Variants in KANK1 observed in about 807,000 individuals in gnomAD.
KANK1 encodes the protein KN motif and ankyrin repeat domain-containing protein 1.
KANK1 carries 109 observed loss-of-function variants against 106.2 expected under a neutral mutation model. The observed-to-expected ratio is 1.03, with a 90% CI of 0.88 to 1.20. The LOEUF (loss-of-function observed/expected upper bound fraction) is 1.20, where lower values mean the gene tolerates loss of function less well. Ranked by LOEUF, KANK1 falls within the 50% of genes most tolerant of loss-of-function variation. The pLI is 0.00. For synonymous variants in KANK1, 873 were observed against 652.2 expected (o/e 1.34, Z -5.16); for missense variants, 2,399 against 1,710.7 (o/e 1.40, Z -7.10).
intron 2 of KANK1, among the ~76,000 whole-genome samples, chr9:682,814 T>C (rs1817835376): frequency 6.6e-6 from 1 of 152,200 alleles, no homozygotes; most frequent in Non-Finnish European, 1.5e-5. Context: ...TATGCTGATC[T>C]TAAATGAGTA....
At chr9:735,905 G>A in intron 7 of KANK1, 1 of 240,024 alleles carries the variant, frequency 4.2e-6, no homozygotes, top group South Asian at 4.5e-5. Context: ...TGAGGCTGGA[G>A]AATTGCTTGC....
In KANK1 at chr9:711,191, C is replaced by T. The variant is rs139131022; in HGVS notation, c.425C>T (p.Pro142Leu). ...LTIPENRQLP[P>L]PSPQLPKHNL... ...ATCCCAGAAAATCGACAGCTGCCAC[C>T]TCCCTCACCACAACTCCCAAAGCAT... Residue 142 changes from proline to leucine, a missense_variant, in exon 3 of 12, where the codon CCT becomes CTT. Coordinates refer to ENST00000382297, the MANE Select transcript of KANK1 (RefSeq NM_015158.5). The T allele has an allele frequency of 7.4e-6, 12 of 1,614,220 alleles. No individual in the cohort carries two copies. Among genetic ancestry groups the T allele is most frequent in the Non-Finnish European group, 1.0e-5 (12 of 1,180,046 alleles).
At chr9:729,811 C>G (rs1001047665) in intron 3 of KANK1, among the ~76,000 whole-genome samples, 1 of 152,084 alleles carries the variant, frequency 6.6e-6, no homozygotes, top group African/African-American at 2.4e-5. Flanking sequence ...GAAACCAAGG[C>G]TATGACGGTA....
At chr9:661,087 G>GT (rs34404745) in intron 1 of KANK1, among the ~76,000 whole-genome samples, 126,575 of 151,056 alleles carry the variant, frequency 0.84, 53,518 homozygotes, top group East Asian at 0.97. Flanking sequence ...AGGTTTGTTT[G>GT]TTTTTTTCCC....
intron 1 of KANK1, among the ~76,000 whole-genome samples, chr9:624,856 T>C (rs1327676303): frequency 1.3e-5 from 2 of 152,044 alleles, no homozygotes; most frequent in African/African-American, 2.4e-5. Context: ...ATAGCTGCCT[T>C]ACCAAGCCAC....
chr9:729,988 T>C, intron 3 of KANK1, 63 bp from the exon 4 acceptor site: 1 of 1,415,036 alleles, frequency 7.1e-7, no homozygotes, highest in Non-Finnish European at 9.7e-7. Context: ...AGAATTGTTT[T>C]TGTTGAAGCC....
chr9:515,988 T>A (rs1226051092), intron 1 of KANK1, among the ~76,000 whole-genome samples: 1 of 151,836 alleles, frequency 6.6e-6, no homozygotes, highest in Non-Finnish European at 1.5e-5. Context: ...TGTTTCTTTT[T>A]AAGACCTGTA....
chr9:490,788 A>T (rs2058364818), intron 3 of KANK1, among the ~76,000 whole-genome samples: 1 of 152,202 alleles, frequency 6.6e-6, no homozygotes, highest in Non-Finnish European at 1.5e-5. Context: ...GGTAAGTGCC[A>T]GGGACTATGA....
At chr9:732,906 C>A in intron 6 of KANK1, 2 of 244,184 alleles carry the variant, frequency 8.2e-6, no homozygotes, top group Middle Eastern at 1.4e-3. Flanking sequence ...TGTTTGAACA[C>A]CTTACCTTAT....
intron 1 of KANK1, among the ~76,000 whole-genome samples, chr9:571,196 T>C (rs7030028): frequency 0.093 from 14,125 of 152,204 alleles, 1,050 homozygotes; most frequent in African/African-American, 0.21. Flanking sequence ...TGTGACATGG[T>C]GGTGTCATAT....
At chr9:584,158 A>C (rs1293535272) in intron 1 of KANK1, among the ~76,000 whole-genome samples, 2 of 152,200 alleles carry the variant, frequency 1.3e-5, no homozygotes, top group Admixed American at 6.5e-5. Flanking sequence ...AATTTATTAA[A>C]ATGGATTATT....
chr9:572,962 C>T (rs1819592199), intron 1 of KANK1, among the ~76,000 whole-genome samples: 1 of 152,100 alleles, frequency 6.6e-6, no homozygotes, highest in African/African-American at 2.4e-5. Flanking sequence ...CAATGTATGT[C>T]CTAATACAAT....
chr9:516,768 G>T (rs1443284276), intron 1 of KANK1, among the ~76,000 whole-genome samples: 1 of 151,618 alleles, frequency 6.6e-6, no homozygotes, highest in Non-Finnish European at 1.5e-5. Flanking sequence ...TTTATCAGTA[G>T]CATACTAAGG....
At chr9:525,431 G>A (rs976056825) in intron 1 of KANK1, among the ~76,000 whole-genome samples, 4 of 151,168 alleles carry the variant, frequency 2.6e-5, no homozygotes, top group Admixed American at 6.6e-5. Flanking sequence ...CCAAAGTGAA[G>A]TGCAGTGGCA....
rs1183898441 is a variant in KANK1, at chr9:546,523, C to T, written c.-84+41769C>T. Among the ~76,000 whole-genome samples the T allele has an allele frequency of 3.3e-5, 5 of 152,212 alleles. No individual in the cohort carries two copies. In the South Asian group the frequency reaches 8.3e-4, roughly 25 times the overall value. The stretch of plus-strand genomic sequence containing the variant: ...GGTGGACCTGAGAACAGGCTCCTTA[C>T]ATACTTTGCTGCAGTCTCATTTGCT... On this transcript the variant is annotated intron_variant, in intron 1 of 11. Coordinates refer to ENST00000382297, the MANE Select transcript of KANK1 (RefSeq NM_015158.5).
At chr9:571,007 A>G (rs1164986008) in intron 1 of KANK1, among the ~76,000 whole-genome samples, 3 of 152,206 alleles carry the variant, frequency 2.0e-5, no homozygotes, top group African/African-American at 7.2e-5. Flanking sequence ...ACAAACATAT[A>G]TATTTTTAAA....
chr9:725,694 T>C (rs1830475858), intron 3 of KANK1, among the ~76,000 whole-genome samples: 1 of 152,154 alleles, frequency 6.6e-6, no homozygotes, highest in Non-Finnish European at 1.5e-5. Context: ...AATGATCTCC[T>C]GGCAGCATGT....
At chr9:630,776 G>A (rs1271865316) in intron 1 of KANK1, among the ~76,000 whole-genome samples, 6 of 151,902 alleles carry the variant, frequency 3.9e-5, no homozygotes, top group Non-Finnish European at 2.9e-5. Flanking sequence ...GGTGGCAGGC[G>A]CCTGTAATCC....
intron 2 of KANK1, among the ~76,000 whole-genome samples, chr9:681,325 T>G (rs1385467636): frequency 6.6e-6 from 1 of 152,198 alleles, no homozygotes; most frequent in African/African-American, 2.4e-5. Flanking sequence ...TGTTCTCTCA[T>G]AGCCAGCTAG....
Sources: allele counts gnomAD v4.1 joint callset (sites outside exome capture counted in the v4.1 genomes callset), GRCh38; gene constraint gnomAD v4.1.1; transcripts MANE v1.5; gene names NCBI Gene and HGNC (gene_info 2026-07-23, HGNC 2026-07-21).